Variants in RRM2 observed in about 807,000 individuals in gnomAD.
RRM2 encodes ribonucleoside-diphosphate reductase subunit M2.
A neutral mutation model predicts 45.9 loss-of-function variants in RRM2; 6 were observed. That is an observed-to-expected ratio of 0.13 (90% confidence interval 0.07 to 0.26). The LOEUF is 0.26. RRM2 is among the 10% of genes least tolerant of loss of function. The probability of loss-of-function intolerance (pLI) is 1.00; values close to 1 mark genes in which losing one functional copy is unlikely to be tolerated. For synonymous variants in RRM2, 177 were observed against 173.0 expected (o/e 1.02, Z -0.18); for missense variants, 343 against 489.5 (o/e 0.70, Z 2.82).
At chr2:10,193,013 GC>G (rs1426497474) in intron 3 of RRM2, among the ~76,000 whole-genome samples, 1 of 152,200 alleles carries the variant, frequency 6.6e-6, no homozygotes, top group Non-Finnish European at 1.5e-5. Flanking sequence ...ACACAGACCT[GC>G]CCTGGGCTCC....
chr2:10,127,748 C>T lies in RRM2; in HGVS notation c.798+528C>T, dbSNP rs571301633. On this transcript the variant is annotated intron_variant, in intron 7 of 9. Transcript: ENST00000304567. This position sits in a 1 kb window ranked among gnomAD's most constrained non-coding sequence, Gnocchi z 4.1. ...CCACCCGCCTCGGCCTCCCAGAGTG[C>T]TGGGATTATAGGCATGAGCCACCAT... 6.6e-6 allele frequency among the ~76,000 whole-genome samples: 1 copy of T among 152,128 alleles called. No homozygotes were observed. Among genetic ancestry groups the T allele is most frequent in the East Asian group, 1.9e-4 (1 of 5,138 alleles).
At chr2:10,209,057 CTTTT>C (rs1553330335) in intron 3 of RRM2, among the ~76,000 whole-genome samples, 17 of 102,486 alleles carry the variant, frequency 1.7e-4, no homozygotes, top group Middle Eastern at 6.0e-3. Context: ...TTCTTTCTTT[CTTTT>C]TTTTTTTTTT....
At chr2:10,158,876 G>A (rs1663492865) in intron 3 of RRM2, among the ~76,000 whole-genome samples, 2 of 152,148 alleles carry the variant, frequency 1.3e-5, no homozygotes, top group African/African-American at 4.8e-5. Context: ...GCTATGACCA[G>A]GCAGAAGCTG....
intron 3 of RRM2, among the ~76,000 whole-genome samples, chr2:10,167,121 A>T (rs1663698650): frequency 1.3e-5 from 2 of 152,082 alleles, no homozygotes; most frequent in South Asian, 4.1e-4. Context: ...TGCTCTCGAG[A>T]CACGCCTCGA....
chr2:10,137,803 AG>A (rs1558384352), upstream of RRM2, among the ~76,000 whole-genome samples: 1 of 152,048 alleles, frequency 6.6e-6, no homozygotes. Context: ...CCTCTACTTC[AG>A]GGGGGTCTAG....
chr2:10,140,698 G>T (rs146731051), upstream of RRM2, among the ~76,000 whole-genome samples: 9 of 152,198 alleles, frequency 5.9e-5, no homozygotes, highest in Non-Finnish European at 7.3e-5. Flanking sequence ...CTGTGCTTAC[G>T]TTGTCATAAA....
At chr2:10,147,793 T>A (rs1663220266) in intron 3 of RRM2, among the ~76,000 whole-genome samples, 3 of 152,338 alleles carry the variant, frequency 2.0e-5, no homozygotes, top group South Asian at 4.1e-4. Context: ...AATGTACTTA[T>A]ACCTCTATGC....
At chr2:10,123,235 C>T (rs780330290) in intron 2 of RRM2, 152 bp from the exon 3 acceptor site, 4 of 1,284,624 alleles carry the variant, frequency 3.1e-6, no homozygotes, top group Non-Finnish European at 4.2e-6. Flanking sequence ...GGCGTGCGCT[C>T]CTCTGCTGCG....
At chr2:10,124,950 A>C in intron 5 of RRM2, 100 bp downstream of exon 5, 1 of 1,145,072 alleles carries the variant, frequency 8.7e-7, no homozygotes, top group Non-Finnish European at 1.2e-6. Flanking sequence ...CTCCAGAATG[A>C]CTAAGACAGT....
At chr2:10,134,006 C>T (rs1002549679), downstream of RRM2, among the ~76,000 whole-genome samples, 1 of 151,744 alleles carries the variant, frequency 6.6e-6, no homozygotes, top group Non-Finnish European at 1.5e-5. Flanking sequence ...TGGTGAGACC[C>T]CATCTCTACT....
chr2:10,175,075 A>G (rs1572517565), intron 3 of RRM2, among the ~76,000 whole-genome samples: 1 of 152,158 alleles, frequency 6.6e-6, no homozygotes, highest in African/African-American at 2.4e-5. Flanking sequence ...TTATTTAAAA[A>G]TGTTGATTTA....
chr2:10,158,306 C>T (rs564713517), intron 3 of RRM2, among the ~76,000 whole-genome samples: 5 of 152,260 alleles, frequency 3.3e-5, no homozygotes, highest in East Asian at 1.9e-4. Context: ...GGAAAGCGCT[C>T]GCGAACTTCC....
At chr2:10,161,757 C>T (rs1663561951) in intron 3 of RRM2, among the ~76,000 whole-genome samples, 1 of 152,100 alleles carries the variant, frequency 6.6e-6, no homozygotes, top group African/African-American at 2.4e-5. Flanking sequence ...TTTCCTGATG[C>T]CATAGGAAGA....
At chr2:10,159,342 G>A (rs1043280202) in intron 3 of RRM2, among the ~76,000 whole-genome samples, 1 of 152,224 alleles carries the variant, frequency 6.6e-6, no homozygotes, top group African/African-American at 2.4e-5. Flanking sequence ...CTCGCCCTCA[G>A]CCTGGGAATG....
Position 10,126,963 on chromosome 2 carries a change from A to G in RRM2, c.658A>G (p.Thr220Ala). Residue 220 changes from threonine to alanine, a missense_variant, in exon 6 of 10, where the codon ACC (threonine) becomes GCC (alanine). Coordinates refer to ENST00000304567, the MANE Select transcript of RRM2 (RefSeq NM_001034.4). ...ALRWIGDKEA[T>A]YGERVVAFAA... The stretch of plus-strand genomic sequence containing the variant: ...GCGCTGGATTGGGGACAAAGAGGCT[A>G]CCTATGGTAAGGAGACCCTTGCCCC... 1.2e-6 allele frequency: 2 copies of G among 1,614,036 alleles called. No individual in the cohort carries two copies. The highest frequency in any genetic ancestry group is 1.7e-6 in the Non-Finnish European group (2 of 1,179,930).
chr2:10,159,129 G>A (rs1345199557), intron 3 of RRM2, among the ~76,000 whole-genome samples: 12 of 152,118 alleles, frequency 7.9e-5, no homozygotes, highest in Admixed American at 7.9e-4. Context: ...GAGGTAAGGT[G>A]GGGGTGGGTG....
At chr2:10,152,363 C>T (rs1390589250) in intron 3 of RRM2, among the ~76,000 whole-genome samples, 1 of 151,888 alleles carries the variant, frequency 6.6e-6, no homozygotes, top group Admixed American at 6.6e-5. Context: ...GTAGTCTGTG[C>T]CCTTCTTTTT....
chr2:10,131,520 C>T (rs1166878814), downstream of RRM2: 1 of 152,172 alleles, frequency 6.6e-6, no homozygotes, highest in East Asian at 1.9e-4. Flanking sequence ...AGGCAGATCA[C>T]CTGAGCTCAG....
At chr2:10,135,305 A>T (rs1662969578), downstream of RRM2, among the ~76,000 whole-genome samples, 1 of 152,206 alleles carries the variant, frequency 6.6e-6, no homozygotes. Flanking sequence ...CCTGAGCAAC[A>T]GTGAGACCGA....
Sources: gnomAD v4.1 joint callset for allele counts (sites outside exome capture counted in the v4.1 genomes callset) on GRCh38, gnomAD v4.1.1 for gene constraint, Gnocchi (gnomAD v3.1) non-coding constraint, MANE v1.5 for transcripts, NCBI Gene and HGNC (gene_info 2026-07-23, HGNC 2026-07-21) for gene names.